ABL1: variants seen among roughly 807,000 people sequenced by gnomAD.
The protein encoded by ABL1 is ABL proto-oncogene 1, non-receptor tyrosine kinase.
In ABL1, 11 loss-of-function variants were observed where a neutral mutation model predicts 94.7. The observed-to-expected ratio is 0.12, with a 90% CI of 0.07 to 0.19. ABL1 has a LOEUF of 0.19. Among genes scored for constraint, ABL1 ranks in the 10% least tolerant of loss-of-function variants. ABL1 has a pLI of 1.00. For missense variants in ABL1, 1,082 were observed against 1,489.4 expected, an observed-to-expected ratio of 0.73 and a Z score of 4.50; for synonymous variants, 656 against 622.4, an observed-to-expected ratio of 1.05 and a Z score of -0.80.
At chr9:130,839,500 A>G (rs1830636897) in intron 1 of ABL1, among the ~76,000 whole-genome samples, 1 of 152,186 alleles carries the variant, frequency 6.6e-6, no homozygotes, top group African/African-American at 2.4e-5. Context: ...ACCATTTACA[A>G]TGTCACAGGC....
rs1345026998 is a variant in ABL1 at position 130,814,954 on chromosome 9, A to C, written c.137-39110A>C. ...AAAATACAAATAAAATTTAGTAAAA[A>C]TAAAGCTGATTCTAAAATGCATGTG... On this transcript the variant is annotated intron_variant, in intron 1 of 10. Transcript: ENST00000372348. The surrounding 1 kb of genome is among the most constrained non-coding windows in gnomAD (Gnocchi z 4.4). Among the ~76,000 whole-genome samples, 2 of 152,222 alleles carry C rather than the reference A, an allele frequency of 1.3e-5. No homozygotes were observed. Among genetic ancestry groups the C allele is most frequent in the Non-Finnish European group, 2.9e-5 (2 of 68,038 alleles).
intron 1 of ABL1, among the ~76,000 whole-genome samples, chr9:130,802,250 C>G (rs111382579): frequency 0.036 from 5,514 of 152,018 alleles, 148 homozygotes; most frequent in African/African-American, 0.073. Context: ...CGTGCCACCA[C>G]GCCTGGCTAA....
intron 1 of ABL1, among the ~76,000 whole-genome samples, chr9:130,836,553 G>A (rs989043122): frequency 6.6e-6 from 1 of 152,110 alleles, no homozygotes; most frequent in Admixed American, 6.5e-5. Context: ...GCCGGGCGCG[G>A]TGGCTCAAGC....
At chr9:130,842,739 G>T (rs1830694828) in intron 1 of ABL1, among the ~76,000 whole-genome samples, 1 of 152,198 alleles carries the variant, frequency 6.6e-6, no homozygotes, top group South Asian at 2.1e-4. Flanking sequence ...CAGCAGAAGG[G>T]GAGGCCTTTC....
chr9:130,750,189 ATACATATATATATATATATAT>A (rs1831938124), intron 1 of ABL1, among the ~76,000 whole-genome samples: 1 of 69,814 alleles, frequency 1.4e-5, no homozygotes. Context: ...GAAAAAAAAA[ATACATATATATATATATATAT>A]ATATATATAT....
chr9:130,859,943 T>C (rs1036701663), intron 3 of ABL1, among the ~76,000 whole-genome samples: 1 of 152,112 alleles, frequency 6.6e-6, no homozygotes, highest in Non-Finnish European at 1.5e-5. Context: ...CCTCCCAAAG[T>C]GCTGGGATTA....
chr9:130,834,082 G>A (rs1394381938), upstream of ABL1: 1 of 455,972 alleles, frequency 2.2e-6, no homozygotes, highest in Non-Finnish European at 4.4e-6. Flanking sequence ...TGTGGGCAAG[G>A]TGTCTGACTT....
chr9:130,785,541 A>G (rs1457841741), intron 1 of ABL1, among the ~76,000 whole-genome samples: 3 of 152,246 alleles, frequency 2.0e-5, no homozygotes, highest in Admixed American at 6.5e-5. Flanking sequence ...TTTAAGACAC[A>G]TAGTAATATA....
At chr9:130,830,640 G>A (rs1044190933), upstream of ABL1, among the ~76,000 whole-genome samples, 12 of 152,202 alleles carry the variant, frequency 7.9e-5, no homozygotes, top group African/African-American at 2.9e-4. Context: ...GTCCCAGTGA[G>A]ATGTAGGCAG....
intron 1 of ABL1, among the ~76,000 whole-genome samples, chr9:130,747,436 CAG>C (rs1831902132): frequency 6.6e-6 from 1 of 152,028 alleles, no homozygotes; most frequent in Non-Finnish European, 1.5e-5. Context: ...TGCGTGGGGA[CAG>C]AGTGTTGCTC....
intron 1 of ABL1, among the ~76,000 whole-genome samples, chr9:130,752,100 A>G (rs969648907): frequency 1.3e-5 from 2 of 152,032 alleles, no homozygotes; most frequent in Non-Finnish European, 2.9e-5. Flanking sequence ...ACACTTGGGA[A>G]TGTGCACCAG....
At chr9:130,867,517 T>G (rs891416127) in intron 4 of ABL1, among the ~76,000 whole-genome samples, 5 of 152,222 alleles carry the variant, frequency 3.3e-5, no homozygotes, top group Non-Finnish European at 5.9e-5. Context: ...ATTTATGGCC[T>G]TGACCATACT....
intron 1 of ABL1, among the ~76,000 whole-genome samples, chr9:130,794,203 T>G (rs1829945115): frequency 6.6e-6 from 1 of 152,210 alleles, no homozygotes; most frequent in African/African-American, 2.4e-5. Context: ...CCAAAAGGGT[T>G]GGGGACTGTT....
intron 1 of ABL1, among the ~76,000 whole-genome samples, chr9:130,802,067 C>G (rs1830062307): frequency 6.8e-6 from 1 of 147,822 alleles, no homozygotes; most frequent in Non-Finnish European, 1.5e-5. Flanking sequence ...TAGCAAGTCT[C>G]TGAGTCTGTT....
intron 1 of ABL1, among the ~76,000 whole-genome samples, chr9:130,844,703 A>G (rs1260849896): frequency 6.6e-6 from 1 of 152,150 alleles, no homozygotes; most frequent in East Asian, 1.9e-4. Context: ...CAGGAGGTTG[A>G]GGCAGGAGAC....
At chr9:130,747,026 A>G (rs966895592) in intron 1 of ABL1, among the ~76,000 whole-genome samples, 8 of 151,590 alleles carry the variant, frequency 5.3e-5, no homozygotes, top group African/African-American at 1.9e-4. Flanking sequence ...CCCTTGTATC[A>G]CTCTGACCCC....
intron 1 of ABL1, among the ~76,000 whole-genome samples, chr9:130,766,819 C>T (rs1832189764): frequency 1.3e-5 from 2 of 152,210 alleles, no homozygotes; most frequent in Admixed American, 1.3e-4. Context: ...CCTCCTGTTG[C>T]CATCTGGGTC....
At chr9:130,768,719 A>G (rs577281722) in intron 1 of ABL1, among the ~76,000 whole-genome samples, 1 of 152,348 alleles carries the variant, frequency 6.6e-6, no homozygotes, top group East Asian at 1.9e-4. Flanking sequence ...GGACCTGTCT[A>G]TAATAGGCCC....
exon 1 of ABL1, chr9:130,714,018 C>T (rs1306345149): frequency 3.7e-5 from 11 of 294,258 alleles, no homozygotes; most frequent in East Asian, 5.2e-5. Flanking sequence ...TTAGGTTTTT[C>T]TTCTTGAAAA....
Sources: allele counts gnomAD v4.1 joint callset (sites outside exome capture counted in the v4.1 genomes callset), GRCh38; gene constraint gnomAD v4.1.1; non-coding constraint Gnocchi (gnomAD v3.1); transcripts MANE v1.5; gene names NCBI Gene and HGNC (gene_info 2026-07-23, HGNC 2026-07-21).